Variants in MTHFD1L observed in about 807,000 individuals in gnomAD.
The protein encoded by MTHFD1L is monofunctional C1-tetrahydrofolate synthase, mitochondrial.
A neutral mutation model predicts 119.5 loss-of-function variants in MTHFD1L; 81 were observed. The observed-to-expected ratio is 0.68, with a 90% confidence interval of 0.57 to 0.82. The LOEUF (loss-of-function observed/expected upper bound fraction) is 0.82, where lower values mean the gene tolerates loss of function less well. Ranked by LOEUF, MTHFD1L falls within the 40% of genes least tolerant of loss-of-function variation. The pLI is 0.00. For synonymous variants in MTHFD1L, 430 were observed against 475.2 expected (o/e 0.90, Z 1.24); for missense variants, 1,125 against 1,253.4 (o/e 0.90, Z 1.55).
chr6:150,896,324 G>A (rs1488194297), intron 7 of MTHFD1L, among the ~76,000 whole-genome samples: 3 of 152,178 alleles, frequency 2.0e-5, no homozygotes, highest in Non-Finnish European at 4.4e-5. Flanking sequence ...AGTGAATGCT[G>A]TCCCCTCCCT....
At chr6:150,918,064 CTTT>C (rs397887884) in intron 8 of MTHFD1L, among the ~76,000 whole-genome samples, 3 of 121,944 alleles carry the variant, frequency 2.5e-5, no homozygotes, top group Admixed American at 8.4e-5. Flanking sequence ...CTTAGATGGC[CTTT>C]TTTTTTTTTT....
At chr6:150,998,995 A>AAAAAAAAATGTATATATAT (rs986639098) in intron 20 of MTHFD1L, among the ~76,000 whole-genome samples, 2 of 143,584 alleles carry the variant, frequency 1.4e-5, no homozygotes, top group African/African-American at 5.2e-5. Flanking sequence ...GTCTTAAAAA[A>AAAAAAAAATGTATATATAT]ATATATATAC....
At chr6:151,081,498 C>CAAAAAAAAAAAAA (rs56795003) in intron 26 of MTHFD1L, among the ~76,000 whole-genome samples, 5 of 98,152 alleles carry the variant, frequency 5.1e-5, no homozygotes, top group African/African-American at 1.4e-4. Flanking sequence ...ACTAAAAATG[C>CAAAAAAAAAAAAA]AAAAAAAAAA....
intron 9 of MTHFD1L, among the ~76,000 whole-genome samples, chr6:150,921,229 C>G (rs1278307404): frequency 5.3e-5 from 8 of 152,156 alleles, no homozygotes; most frequent in Non-Finnish European, 1.2e-4. Flanking sequence ...AAGTGATTCT[C>G]CTGCCTCAGC....
rs188761607 is a variant in MTHFD1L, at chr6:151,076,258, G to A, written c.2848-16209G>A. ...CTAGCTGCTCACTTGGGAGGATGAG[G>A]TGGGAGGATTGCTTGAGCCCAGGTT... On this transcript the variant is annotated intron_variant, in intron 26 of 27. Coordinates refer to ENST00000367321, the MANE Select transcript of MTHFD1L (RefSeq NM_015440.5). 7.2e-4 allele frequency among the ~76,000 whole-genome samples: 109 copies of A among 152,092 alleles called. 1 individual carries two copies. Among genetic ancestry groups the A allele is most frequent in the African/African-American group, 2.5e-3 (102 of 41,510 alleles).
intron 27 of MTHFD1L, among the ~76,000 whole-genome samples, chr6:151,092,861 T>G (rs1330177594): frequency 6.6e-6 from 1 of 152,160 alleles, no homozygotes; most frequent in East Asian, 1.9e-4. Flanking sequence ...ATAGATGTGT[T>G]TAGAGCATCT....
chr6:150,972,594 T>C (rs953881541), intron 20 of MTHFD1L, among the ~76,000 whole-genome samples: 1 of 152,190 alleles, frequency 6.6e-6, no homozygotes, highest in African/African-American at 2.4e-5. Context: ...CTGGGCAGCA[T>C]AGAAGACCCT....
chr6:150,867,109 A>G (rs803386), intron 1 of MTHFD1L, among the ~76,000 whole-genome samples: 139,425 of 152,148 alleles, frequency 0.92, 64,094 homozygotes, highest in East Asian at 1. Context: ...CCCTTCTCCC[A>G]TCTCAGTAAA....
intron 20 of MTHFD1L, among the ~76,000 whole-genome samples, chr6:150,972,301 G>A (rs1357272421): frequency 1.3e-5 from 2 of 152,154 alleles, no homozygotes; most frequent in Non-Finnish European, 2.9e-5. Flanking sequence ...TCTGACTCTT[G>A]CAAACTGAGT....
intron 18 of MTHFD1L, among the ~76,000 whole-genome samples, chr6:150,964,339 A>G (rs1796890243): frequency 6.6e-6 from 1 of 152,172 alleles, no homozygotes; most frequent in Non-Finnish European, 1.5e-5. Context: ...TCAACCCAGT[A>G]CTTCCTAGGA....
At chr6:150,919,592 A>G (rs376737422) in intron 9 of MTHFD1L, among the ~76,000 whole-genome samples, 1 of 152,146 alleles carries the variant, frequency 6.6e-6, no homozygotes. Context: ...AGGCCTCACC[A>G]AGCTTCCAAG....
intron 7 of MTHFD1L, among the ~76,000 whole-genome samples, chr6:150,903,302 T>G (rs1003268096): frequency 2.2e-5 from 3 of 139,376 alleles, no homozygotes; most frequent in African/African-American, 8.0e-5. Flanking sequence ...CACTGCAACC[T>G]CTGCCTCCCA....
At chr6:151,074,078 T>C (rs1033972579) in intron 26 of MTHFD1L, among the ~76,000 whole-genome samples, 1 of 152,178 alleles carries the variant, frequency 6.6e-6, no homozygotes, top group African/African-American at 2.4e-5. Context: ...AGGTGGTAGG[T>C]CAATATTTTT....
chr6:150,948,234 T>A (rs1242471940), intron 15 of MTHFD1L, among the ~76,000 whole-genome samples: 1 of 152,080 alleles, frequency 6.6e-6, no homozygotes, highest in Non-Finnish European at 1.5e-5. Flanking sequence ...CTCGAACTCC[T>A]GACCTCAGGT....
chr6:150,873,084 A>G (rs903793814), intron 1 of MTHFD1L, among the ~76,000 whole-genome samples: 14 of 152,072 alleles, frequency 9.2e-5, no homozygotes, highest in Non-Finnish European at 1.3e-4. Context: ...TGGGAGGCCT[A>G]GGTGGGCGGA....
In MTHFD1L at chr6:150,905,776, A is replaced by G; in HGVS notation, c.892+15A>G. ...CTTCCTGTCAGGTAAATGTCTTCAC[A>G]TTGGTGTTGAGCCACTGATTAGGTC... On this transcript the variant is annotated intron_variant, in intron 8 of 27. Coordinates refer to ENST00000367321, the MANE Select transcript of MTHFD1L (RefSeq NM_015440.5). The G allele has an allele frequency of 1.3e-6, 2 of 1,574,076 alleles. No homozygotes were observed. Among genetic ancestry groups the G allele is most frequent in the African/African-American group, 1.3e-5 (1 of 74,230 alleles).
rs144596301 is a variant in MTHFD1L at position 150,979,396 on chromosome 6, T to G, written c.2125+7338T>G. Among the ~76,000 whole-genome samples, 367 of 152,332 alleles carry G rather than the reference T, an allele frequency of 2.4e-3. 2 individuals carry two copies. Among genetic ancestry groups the G allele is most frequent in the African/African-American group, 8.4e-3 (351 of 41,576 alleles). The stretch of plus-strand genomic sequence containing the variant: ...TTCTTTTCTGTGTTCTACTTTAACA[T>G]TTCTTCCTCCCAAGTAGGTTACTGA... On this transcript the variant is annotated intron_variant, in intron 20 of 27. Coordinates refer to ENST00000367321, the MANE Select transcript of MTHFD1L (RefSeq NM_015440.5).
chr6:150,866,102 CCAGGGG>C (rs1778249096), intron 1 of MTHFD1L, 53 bp downstream of exon 1: 15 of 1,471,958 alleles, frequency 1.0e-5, no homozygotes, highest in Non-Finnish European at 1.2e-5. Flanking sequence ...TGGCCCCGAC[CCAGGGG>C]CGGAGCGCCC....
chr6:151,074,363 A>G (rs556142214), intron 26 of MTHFD1L, among the ~76,000 whole-genome samples: 2 of 152,374 alleles, frequency 1.3e-5, no homozygotes, highest in Non-Finnish European at 2.9e-5. Context: ...CTTAAAAGCT[A>G]TTACTGTATA....
Sources: gnomAD v4.1 joint callset for allele counts (sites outside exome capture counted in the v4.1 genomes callset) on GRCh38, gnomAD v4.1.1 for gene constraint, MANE v1.5 for transcripts, NCBI Gene and HGNC (gene_info 2026-07-23, HGNC 2026-07-21) for gene names.